The following FOXN3 variants were observed in gnomAD, a reference collection of about 807,000 sequenced individuals.
FOXN3 encodes the protein forkhead box N3, also known as forkhead box protein N3.
FOXN3 carries 7 observed loss-of-function variants against 38.4 expected under a neutral mutation model. The observed-to-expected ratio is 0.18, with a 90% CI of 0.10 to 0.34. The LOEUF is 0.34. Among genes scored for constraint, FOXN3 ranks in the 10% least tolerant of loss-of-function variants. The probability of loss-of-function intolerance (pLI) is 1.00; values close to 1 mark genes in which losing one functional copy is unlikely to be tolerated. For synonymous variants in FOXN3, 230 were observed against 242.2 expected, an observed-to-expected ratio of 0.95 and a Z score of 0.47; for missense variants, 456 against 613.4, an observed-to-expected ratio of 0.74 and a Z score of 2.71.
chr14:89,418,188 T>C (rs1232740967), upstream of FOXN3, among the ~76,000 whole-genome samples: 2 of 152,066 alleles, frequency 1.3e-5, no homozygotes, highest in African/African-American at 2.4e-5. Flanking sequence ...GGTAGCCAAA[T>C]TGGTTGGTTC....
At chr14:89,279,404 A>G (rs1309847902) in intron 4 of FOXN3, among the ~76,000 whole-genome samples, 1 of 152,200 alleles carries the variant, frequency 6.6e-6, no homozygotes, top group African/African-American at 2.4e-5. Context: ...GAACAAAAAG[A>G]ACTTACCTAA....
At chr14:89,230,931 C>G (rs1184341378) in intron 4 of FOXN3, 1 of 453,982 alleles carries the variant, frequency 2.2e-6, no homozygotes, top group Admixed American at 2.4e-5. Flanking sequence ...AGCCTCGCAG[C>G]AACCCTGTGA....
intron 3 of FOXN3, among the ~76,000 whole-genome samples, chr14:89,318,721 G>T (rs1038393336): frequency 6.6e-6 from 1 of 152,208 alleles, no homozygotes; most frequent in African/African-American, 2.4e-5. Flanking sequence ...GGACACTAAT[G>T]CACAGACAGG....
intron 1 of FOXN3, among the ~76,000 whole-genome samples, chr14:89,554,238 G>T (rs1357297358): frequency 6.6e-6 from 1 of 152,114 alleles, no homozygotes; most frequent in African/African-American, 2.4e-5. Context: ...CTGACCTCGT[G>T]ATCCGCCTTC....
At chr14:89,307,858 G>T (rs1887423562) in intron 3 of FOXN3, among the ~76,000 whole-genome samples, 1 of 152,176 alleles carries the variant, frequency 6.6e-6, no homozygotes, top group Non-Finnish European at 1.5e-5. Flanking sequence ...TTCAATGTGT[G>T]CCCGATATAG....
rs1449700399 is a variant in FOXN3, at chr14:89,417,116, C to CCCCGCCGCTCTCCCCGCCCCGT, written c.-282_-261dup. ...GGCGCGCCGCGCGTCCTCCCGCCGG[C>CCCCGCCGCTCTCCCCGCCCCGT]CCCGCCGCTCTCCCCGCCCCGTCCC... is the stretch of plus-strand genomic sequence containing the variant. On this transcript the variant is annotated 5_prime_UTR_variant, in exon 1 of 6. An upstream open reading frame in the 5' UTR gains an earlier in-frame stop. Coordinates refer to ENST00000557258, the MANE Select transcript of FOXN3 (RefSeq NM_005197.4). 2.1e-5 allele frequency: 3 copies of CCCCGCCGCTCTCCCCGCCCCGT among 144,566 alleles called. No individual in the cohort carries two copies. Among genetic ancestry groups the CCCCGCCGCTCTCCCCGCCCCGT allele is most frequent in the Non-Finnish European group, 4.6e-5 (3 of 65,152 alleles). 9.0% of individuals were successfully genotyped at this position (144,566 alleles called of 1,614,324 possible). A position where few individuals can be genotyped will look rare whatever the true frequency, so the allele number is the denominator to read the frequency against.
intron 3 of FOXN3, among the ~76,000 whole-genome samples, chr14:89,344,252 G>T (rs1888703021): frequency 6.8e-6 from 1 of 147,260 alleles, no homozygotes; most frequent in Non-Finnish European, 1.5e-5. Flanking sequence ...GCAAAAAAAG[G>T]GAAAGCTCAT....
intron 4 of FOXN3, among the ~76,000 whole-genome samples, chr14:89,233,293 T>G (rs1884874787): frequency 3.9e-5 from 6 of 152,202 alleles, no homozygotes; most frequent in Admixed American, 3.9e-4. Context: ...TACTTCACCC[T>G]GCAGGAGGAG....
chr14:89,511,288 T>C lies in FOXN3; in HGVS notation c.-14-98798A>G, dbSNP rs58298381. On this transcript the variant is annotated intron_variant, in intron 1 of 6. Coordinates refer to the FOXN3 transcript ENST00000345097. Reference sequence around the variant, plus strand: ...CTTTCTTTCTTTCTTTCTTTCTTTCTTTCTTTCTTTCTTTCTTTCTTTTTT... The same window carrying C: ...CTTTCTTTCTTTCTTTCTTTCTTTCCTTCTTTCTTTCTTTCTTTCTTTTTT... Among the ~76,000 whole-genome samples, 281 of 109,412 alleles carry C rather than the reference T, an allele frequency of 2.6e-3. 47 individuals are homozygous for C. Among genetic ancestry groups the C allele is most frequent in the African/African-American group, 4.7e-3 (139 of 29,334 alleles). The allele number at this position is 109,412 out of a possible 152,430, so 71.8% of individuals were successfully genotyped here.
chr14:89,469,304 C>T (rs548949380), intron 1 of FOXN3, among the ~76,000 whole-genome samples: 2 of 152,292 alleles, frequency 1.3e-5, no homozygotes, highest in East Asian at 3.9e-4. Flanking sequence ...GCCTCCTCCC[C>T]TCTCCAAGGC....
chr14:89,183,081 T>C (rs955897209), intron 4 of FOXN3, among the ~76,000 whole-genome samples: 3 of 152,240 alleles, frequency 2.0e-5, no homozygotes, highest in African/African-American at 4.8e-5. Context: ...AGAACTCTTG[T>C]AGATAGATCC....
At chr14:89,587,941 G>A (rs193237024) in intron 1 of FOXN3, among the ~76,000 whole-genome samples, 39 of 151,550 alleles carry the variant, frequency 2.6e-4, no homozygotes, top group African/African-American at 8.7e-4. Flanking sequence ...ATGGGCATAT[G>A]GGGGCTTTTT....
At position 89,555,838 on chromosome 14, in the gene FOXN3, G is replaced by GGTGTGTGTGTGTGTGTGTGTGTGTGT. The variant is rs201016882; in HGVS notation, c.-15+63164_-15+63189dup. On this transcript the variant is annotated intron_variant, in intron 1 of 6. Transcript: ENST00000345097. Reference sequence around the variant, plus strand: ...TCATAAAGCTTACCTTCTAGTTCATGGTGTGTGTGTGTGTGTGTGTGTGTG... The same window carrying GGTGTGTGTGTGTGTGTGTGTGTGTGT: ...TCATAAAGCTTACCTTCTAGTTCATGGTGTGTGTGTGTGTGTGTGTGTGTGTGTGTGTGTGTGTGTGTGTGTGTGTG... Among the ~76,000 whole-genome samples, 40 of 89,692 alleles carry GGTGTGTGTGTGTGTGTGTGTGTGTGT rather than the reference G, an allele frequency of 4.5e-4. 2 individuals are homozygous for GGTGTGTGTGTGTGTGTGTGTGTGTGT. Among genetic ancestry groups the GGTGTGTGTGTGTGTGTGTGTGTGTGT allele is most frequent in the East Asian group, 6.3e-4 (2 of 3,164 alleles). The allele number at this position is 89,692 out of a possible 152,430, so 58.8% of individuals were successfully genotyped here.
At chr14:89,425,941 T>G (rs902109931) in intron 1 of FOXN3, among the ~76,000 whole-genome samples, 1 of 152,198 alleles carries the variant, frequency 6.6e-6, no homozygotes, top group Admixed American at 6.5e-5. Flanking sequence ...AGAATGACGC[T>G]TATCTAATAC....
At chr14:89,524,625 G>A (rs543188138) in intron 1 of FOXN3, among the ~76,000 whole-genome samples, 1 of 151,894 alleles carries the variant, frequency 6.6e-6, no homozygotes, top group South Asian at 2.1e-4. Flanking sequence ...GAAAGGTGAT[G>A]TCATCACAGT....
At chr14:89,253,313 G>A (rs906328649) in intron 4 of FOXN3, among the ~76,000 whole-genome samples, 1 of 152,194 alleles carries the variant, frequency 6.6e-6, no homozygotes, top group African/African-American at 2.4e-5. Context: ...GAAGCTTCTG[G>A]AAGAGTGAAT....
chr14:89,600,584 G>A (rs147723859), intron 1 of FOXN3, among the ~76,000 whole-genome samples: 286 of 152,246 alleles, frequency 1.9e-3, no homozygotes, highest in African/African-American at 6.1e-3. Flanking sequence ...CATTGGCCAC[G>A]TCGAAGATAT....
intron 1 of FOXN3, among the ~76,000 whole-genome samples, chr14:89,472,442 C>T (rs577140413): frequency 1.5e-4 from 23 of 152,014 alleles, no homozygotes; most frequent in Admixed American, 8.5e-4. Context: ...TTGTGCAGGC[C>T]GGGCGCGGTG....
At chr14:89,600,153 C>T (rs1896129399) in intron 1 of FOXN3, among the ~76,000 whole-genome samples, 1 of 152,190 alleles carries the variant, frequency 6.6e-6, no homozygotes, top group Non-Finnish European at 1.5e-5. Context: ...ACCTGATCTA[C>T]TATTGCTAAA....
Sources: allele counts gnomAD v4.1 joint callset (sites outside exome capture counted in the v4.1 genomes callset), GRCh38; gene constraint gnomAD v4.1.1; transcripts MANE v1.5; gene names NCBI Gene and HGNC (gene_info 2026-07-23, HGNC 2026-07-21).